SLC24A4: variants seen among roughly 807,000 people sequenced by gnomAD.
SLC24A4 encodes the protein sodium/potassium/calcium exchanger 4.
In SLC24A4, 53 loss-of-function variants were observed where a neutral mutation model predicts 79.0. That is an observed-to-expected ratio of 0.67 (90% CI 0.54 to 0.84). SLC24A4 has a LOEUF of 0.84. Ranked by LOEUF, SLC24A4 falls within the 40% of genes least tolerant of loss-of-function variation. The probability of loss-of-function intolerance (pLI) is 0.00; values close to 1 mark genes in which losing one functional copy is unlikely to be tolerated. For synonymous variants in SLC24A4, 323 were observed against 323.8 expected (o/e 1.00, Z 0.03); for missense variants, 731 against 822.0 (o/e 0.89, Z 1.35).
intron 2 of SLC24A4, among the ~76,000 whole-genome samples, chr14:92,354,396 C>A (rs1887061680): frequency 6.6e-6 from 1 of 152,010 alleles, no homozygotes. Context: ...CGTGATCTGC[C>A]CGCCTCGACT....
At chr14:92,395,798 A>T (rs72695138) in intron 2 of SLC24A4, among the ~76,000 whole-genome samples, 2,020 of 151,950 alleles carry the variant, frequency 0.013, 24 homozygotes, top group Non-Finnish European at 0.02. Context: ...TTGTCATGAG[A>T]TGGTTATGGT....
At chr14:92,376,507 C>T (rs965724972) in intron 2 of SLC24A4, among the ~76,000 whole-genome samples, 3 of 152,250 alleles carry the variant, frequency 2.0e-5, no homozygotes, top group African/African-American at 7.2e-5. Context: ...TGTGATCCGT[C>T]CATGGTATTT....
At chr14:92,369,950 G>A (rs1482009996) in intron 2 of SLC24A4, among the ~76,000 whole-genome samples, 1 of 152,156 alleles carries the variant, frequency 6.6e-6, no homozygotes, top group Non-Finnish European at 1.5e-5. Context: ...ATGGATTTAG[G>A]GTTGAATTAC....
chr14:92,437,598 C>G (rs1398803652), intron 3 of SLC24A4, among the ~76,000 whole-genome samples: 1 of 152,188 alleles, frequency 6.6e-6, no homozygotes, highest in African/African-American at 2.4e-5. Flanking sequence ...CCAGAACCAG[C>G]CTTAGAATCT....
chr14:92,383,647 C>A (rs948781711), intron 2 of SLC24A4, among the ~76,000 whole-genome samples: 1 of 152,178 alleles, frequency 6.6e-6, no homozygotes, highest in South Asian at 2.1e-4. Flanking sequence ...TTGCTGAGGG[C>A]AGAGAGAGAC....
At chr14:92,422,928 C>T (rs770445086) in intron 2 of SLC24A4, among the ~76,000 whole-genome samples, 120 of 152,158 alleles carry the variant, frequency 7.9e-4, no homozygotes, top group Non-Finnish European at 1.2e-3. Flanking sequence ...ATCCTCCCAC[C>T]TCAGTGTCCT....
intron 1 of SLC24A4, among the ~76,000 whole-genome samples, chr14:92,325,009 G>A (rs953017467): frequency 1.3e-5 from 2 of 152,210 alleles, no homozygotes; most frequent in African/African-American, 4.8e-5. Flanking sequence ...TTTGCAGTGA[G>A]ACCCAGGAAG....
intron 13 of SLC24A4, among the ~76,000 whole-genome samples, chr14:92,486,435 A>G (rs189527390): frequency 8.3e-4 from 126 of 152,228 alleles, no homozygotes; most frequent in African/African-American, 3.0e-3. Context: ...AGCACTCTGG[A>G]TGGTATGTGC....
intron 2 of SLC24A4, among the ~76,000 whole-genome samples, chr14:92,357,416 C>A (rs1887241729): frequency 6.6e-6 from 1 of 152,076 alleles, no homozygotes; most frequent in Middle Eastern, 3.2e-3. Context: ...GCATTATTCA[C>A]AACAGCCAAG....
At chr14:92,383,612 C>T (rs951028855) in intron 2 of SLC24A4, among the ~76,000 whole-genome samples, 21 of 152,284 alleles carry the variant, frequency 1.4e-4, no homozygotes, top group Admixed American at 2.0e-4. Flanking sequence ...GCTTCCCATG[C>T]GGCCTCTCTT....
At chr14:92,337,638 T>G (rs1398978896) in intron 2 of SLC24A4, among the ~76,000 whole-genome samples, 1 of 152,196 alleles carries the variant, frequency 6.6e-6, no homozygotes, top group Non-Finnish European at 1.5e-5. Context: ...TGATCTTGCC[T>G]TTTAACCCAA....
rs113037938 is a variant in SLC24A4 at position 92,363,755 on chromosome 14, G to A, written c.241+37777G>A. Among the ~76,000 whole-genome samples, 491 of 152,228 alleles carry A rather than the reference G, an allele frequency of 3.2e-3. 4 individuals are homozygous for A. Among genetic ancestry groups the A allele is most frequent in the African/African-American group, 0.011 (448 of 41,526 alleles). On this transcript the variant is annotated intron_variant, in intron 2 of 16. Transcript: ENST00000532405. ...TGAGGCAGGAGAATCACTTGAACCC[G>A]GGAGGTGCAGGTTGCAGTGAGCTGA...
chr14:92,398,298 G>A lies in SLC24A4; in HGVS notation c.242-35614G>A, dbSNP rs971040368. Among the ~76,000 whole-genome samples, 2 of 152,306 alleles carry A rather than the reference G, an allele frequency of 1.3e-5. No individual in the cohort carries two copies. Among genetic ancestry groups the A allele is most frequent in the East Asian group, 3.9e-4 (2 of 5,174 alleles). On this transcript the variant is annotated intron_variant, in intron 2 of 16. Transcript: ENST00000532405. This position sits in a 1 kb window ranked among gnomAD's most constrained non-coding sequence, Gnocchi z 4.1. ...TATCTTCGGAGCAGTAGAGGTCACC[G>A]AGGGCTTCTGAGGGATGGCCTGGCA...
At chr14:92,329,206 C>T (rs750822781) in intron 2 of SLC24A4, among the ~76,000 whole-genome samples, 4 of 152,254 alleles carry the variant, frequency 2.6e-5, no homozygotes, top group Admixed American at 6.5e-5. Flanking sequence ...TTAAGAGCTC[C>T]CTCCTGTGCT....
chr14:92,358,030 GAA>G (rs1238686893), intron 2 of SLC24A4, among the ~76,000 whole-genome samples: 1 of 152,226 alleles, frequency 6.6e-6, no homozygotes, highest in Non-Finnish European at 1.5e-5. Context: ...TAACTTCTGA[GAA>G]AGTGCTGCTG....
chr14:92,333,796 G>A (rs918379343), intron 2 of SLC24A4, among the ~76,000 whole-genome samples: 1 of 152,052 alleles, frequency 6.6e-6, no homozygotes, highest in African/African-American at 2.4e-5. Flanking sequence ...CCATGCCAGT[G>A]TAAGGGCGGT....
rs565530907 is a variant in SLC24A4 at position 92,456,538 on chromosome 14, G to A, written c.1185G>A (p.Pro395=). ...EDPQQNQEQQ[P]PPQPPPPEPE... is the part of the protein sequence containing the mutation. ...CTCAGCAGAATCAGGAGCAGCAGCC[G>A]CCGCCACAGCCACCACCGCCAGAGC... Residue 395 remains proline, a synonymous_variant, in exon 12 of 17, where the codon CCG becomes CCA. Transcript: ENST00000532405. 8.1e-6 allele frequency: 13 copies of A among 1,613,468 alleles called. No individual in the cohort carries two copies. Among genetic ancestry groups the A allele is most frequent in the East Asian group, 4.5e-5 (2 of 44,868 alleles).
At chr14:92,420,087 G>A (rs1258602969) in intron 2 of SLC24A4, among the ~76,000 whole-genome samples, 2 of 152,196 alleles carry the variant, frequency 1.3e-5, no homozygotes, top group South Asian at 2.1e-4. Flanking sequence ...TGTCACAGAC[G>A]CCGGGAGGAA....
In SLC24A4 at chr14:92,392,556, G is replaced by A. The variant is rs1023569300; in HGVS notation, c.242-41356G>A. 5.3e-5 allele frequency among the ~76,000 whole-genome samples: 8 copies of A among 151,736 alleles called. No homozygotes were observed. The East Asian group carries it at 1.2e-3, about 22-fold the overall frequency. ...CCTTGTTTCTGATGAGGGCGGTAGC[G>A]GCCAGTCGATTGCTATGCATGTTTA... is the stretch of plus-strand genomic sequence containing the variant. On this transcript the variant is annotated intron_variant, in intron 2 of 16. Transcript: ENST00000532405.
Sources: gnomAD v4.1 joint callset for allele counts (sites outside exome capture counted in the v4.1 genomes callset) on GRCh38, gnomAD v4.1.1 for gene constraint, Gnocchi (gnomAD v3.1) non-coding constraint, MANE v1.5 for transcripts, NCBI Gene and HGNC (gene_info 2026-07-23, HGNC 2026-07-21) for gene names.